KCNIP4: variants seen among roughly 807,000 people sequenced by gnomAD.
The protein encoded by KCNIP4 is Kv channel-interacting protein 4.
Under a neutral mutation model 34.0 loss-of-function variants are expected in KCNIP4, and 12 were observed. The ratio of observed to expected loss-of-function variants is 0.35; its 90% CI spans 0.23 to 0.57. The LOEUF is 0.57. KCNIP4 is among the 20% of genes least tolerant of loss of function. The pLI, the probability that KCNIP4 is intolerant of heterozygous loss-of-function variation, is 0.83. For missense variants in KCNIP4, 238 were observed against 311.7 expected (o/e 0.76, Z 1.78); for synonymous variants, 124 against 102.2 (o/e 1.21, Z -1.29).
intron 1 of KCNIP4, among the ~76,000 whole-genome samples, chr4:21,096,707 A>G (rs1421027098): frequency 6.6e-6 from 1 of 152,146 alleles, no homozygotes; most frequent in Non-Finnish European, 1.5e-5. Flanking sequence ...TTTACAATAT[A>G]TATTTGGTTT....
chr4:21,527,190 T>C (rs1439467310), intron 1 of KCNIP4, among the ~76,000 whole-genome samples: 2 of 152,154 alleles, frequency 1.3e-5, no homozygotes, highest in Non-Finnish European at 2.9e-5. Flanking sequence ...TCCAAGATAA[T>C]AATGAATATG....
chr4:21,413,226 C>G (rs997881259), intron 1 of KCNIP4, among the ~76,000 whole-genome samples: 6 of 152,104 alleles, frequency 3.9e-5, no homozygotes, highest in Non-Finnish European at 8.8e-5. Context: ...GTGGTACTGA[C>G]AGAACCATTT....
chr4:21,696,249 C>A (rs560914299), intron 1 of KCNIP4, among the ~76,000 whole-genome samples: 9 of 152,146 alleles, frequency 5.9e-5, no homozygotes, highest in African/African-American at 2.2e-4. Flanking sequence ...ATTGTATATG[C>A]AGTTTAGTTA....
intron 1 of KCNIP4, among the ~76,000 whole-genome samples, chr4:21,468,100 C>A (rs1157088230): frequency 4.6e-5 from 7 of 152,094 alleles, no homozygotes; most frequent in African/African-American, 1.7e-4. Flanking sequence ...GGTAGGTAAT[C>A]ACATGTTTGA....
chr4:21,071,219 G>C (rs965612334), intron 1 of KCNIP4, among the ~76,000 whole-genome samples: 17 of 152,088 alleles, frequency 1.1e-4, no homozygotes, highest in Non-Finnish European at 1.5e-5. Context: ...AAGTTTCATA[G>C]CATTACGTTT....
intron 1 of KCNIP4, among the ~76,000 whole-genome samples, chr4:21,933,893 A>G (rs887034248): frequency 6.6e-6 from 1 of 152,122 alleles, no homozygotes; most frequent in African/African-American, 2.4e-5. Context: ...GAGTGCCTCA[A>G]TGGGTCTTGA....
chr4:21,319,055 T>G (rs1369813127), intron 1 of KCNIP4, among the ~76,000 whole-genome samples: 1 of 152,120 alleles, frequency 6.6e-6, no homozygotes, highest in African/African-American at 2.4e-5. Context: ...AGAGAGAACT[T>G]ATGAAATAAG....
At chr4:21,226,527 T>C (rs543018134) in intron 1 of KCNIP4, among the ~76,000 whole-genome samples, 2 of 152,324 alleles carry the variant, frequency 1.3e-5, no homozygotes, top group African/African-American at 4.8e-5. Flanking sequence ...TTCTTTATTG[T>C]AAAGGATGCT....
rs913024706 is a variant in KCNIP4, at chr4:21,775,925, G to A, written c.61+172646C>T. Among the ~76,000 whole-genome samples, 10 of 152,190 alleles carry A rather than the reference G, an allele frequency of 6.6e-5. 1 individual carries two copies. Among genetic ancestry groups the A allele is most frequent in the Admixed American group, 5.2e-4 (8 of 15,284 alleles). ...CGCTGGCTGATGCCCCTCCCCTAAG[G>A]AGCTCAAATGGGTTAGACAGCAGGC... On this transcript the variant is annotated intron_variant, in intron 1 of 8. Coordinates refer to ENST00000382152, the MANE Select transcript of KCNIP4 (RefSeq NM_025221.6).
At chr4:21,920,377 A>C (rs1228087800) in intron 1 of KCNIP4, among the ~76,000 whole-genome samples, 1 of 152,184 alleles carries the variant, frequency 6.6e-6, no homozygotes, top group Non-Finnish European at 1.5e-5. Flanking sequence ...AACTGTTTAC[A>C]CAGAATTTGC....
At chr4:21,465,647 T>A (rs1729857273) in intron 1 of KCNIP4, among the ~76,000 whole-genome samples, 1 of 152,122 alleles carries the variant, frequency 6.6e-6, no homozygotes, top group African/African-American at 2.4e-5. Context: ...TTCGCCTAAC[T>A]TCTCCAAGCT....
chr4:21,151,405 AATTTTTTTTT>A (rs1244571379), intron 1 of KCNIP4, among the ~76,000 whole-genome samples: 6 of 93,512 alleles, frequency 6.4e-5, no homozygotes, highest in African/African-American at 1.6e-4. Context: ...AACAAAAGAC[AATTTTTTTTT>A]TTTTTTTTTT....
chr4:21,373,146 A>G (rs1157681885), intron 1 of KCNIP4, among the ~76,000 whole-genome samples: 2 of 146,802 alleles, frequency 1.4e-5, no homozygotes, highest in Non-Finnish European at 2.9e-5. Flanking sequence ...ACACAGCAAG[A>G]CCTTGTCTCT....
At chr4:20,908,844 T>A (rs1294405596) in intron 1 of KCNIP4, among the ~76,000 whole-genome samples, 1 of 152,240 alleles carries the variant, frequency 6.6e-6, no homozygotes, top group Non-Finnish European at 1.5e-5. Flanking sequence ...ATTTAGTTCT[T>A]TGAGAGGTTA....
chr4:21,837,332 G>C (rs1723392452), intron 1 of KCNIP4, among the ~76,000 whole-genome samples: 2 of 150,054 alleles, frequency 1.3e-5, no homozygotes, highest in Admixed American at 1.3e-4. Flanking sequence ...TCAGGAGTTC[G>C]AGACCAGGCT....
chr4:21,898,659 G>A (rs1727540836), intron 1 of KCNIP4, among the ~76,000 whole-genome samples: 1 of 152,182 alleles, frequency 6.6e-6, no homozygotes, highest in Non-Finnish European at 1.5e-5. Flanking sequence ...ACTTGCTGAG[G>A]GCCTTGGGTG....
At chr4:21,360,761 G>A (rs1719135364) in intron 1 of KCNIP4, among the ~76,000 whole-genome samples, 1 of 151,910 alleles carries the variant, frequency 6.6e-6, no homozygotes, top group African/African-American at 2.4e-5. Flanking sequence ...AAAAACGTAG[G>A]TGAAACAGCC....
intron 1 of KCNIP4, among the ~76,000 whole-genome samples, chr4:21,558,493 A>AAAATAAATAAAT (rs138894931): frequency 0.12 from 18,313 of 149,000 alleles, 1,299 homozygotes; most frequent in East Asian, 0.25. Flanking sequence ...TTCTGTCTCA[A>AAAATAAATAAAT]AAATAAATAA....
chr4:21,636,415 T>A (rs918175646), intron 1 of KCNIP4, among the ~76,000 whole-genome samples: 2 of 151,834 alleles, frequency 1.3e-5, no homozygotes, highest in Admixed American at 1.3e-4. Flanking sequence ...TACTTGAAAA[T>A]CTTGAAAGAA....
Sources: gnomAD v4.1 joint callset for allele counts (sites outside exome capture counted in the v4.1 genomes callset) on GRCh38, gnomAD v4.1.1 for gene constraint, MANE v1.5 for transcripts, NCBI Gene and HGNC (gene_info 2026-07-23, HGNC 2026-07-21) for gene names.